The following TOX variants were observed in gnomAD, a reference collection of about 807,000 sequenced individuals.
TOX encodes thymocyte selection associated high mobility group box.
In TOX, 11 loss-of-function variants were observed where a neutral mutation model predicts 53.7. That is an observed-to-expected ratio of 0.20 (90% CI 0.13 to 0.34). TOX has a LOEUF of 0.34. TOX is among the 10% of genes least tolerant of loss of function. TOX has a pLI of 1.00. For synonymous variants in TOX, 225 were observed against 245.3 expected, an observed-to-expected ratio of 0.92 and a Z score of 0.77; for missense variants, 570 against 664.6, an observed-to-expected ratio of 0.86 and a Z score of 1.56.
chr8:59,039,773 A>G (rs1803542100), intron 1 of TOX, among the ~76,000 whole-genome samples: 1 of 152,240 alleles, frequency 6.6e-6, no homozygotes, highest in Non-Finnish European at 1.5e-5. Context: ...CTTCAGAAAA[A>G]TATCCAGCAA....
chr8:58,933,220 G>C (rs923230851), intron 3 of TOX, among the ~76,000 whole-genome samples: 5 of 152,124 alleles, frequency 3.3e-5, no homozygotes, highest in Non-Finnish European at 7.4e-5. Context: ...ACCACATATA[G>C]GCCAGGCTGA....
At chr8:58,838,436 AGGG>A in intron 4 of TOX, 125 bp from the exon 5 acceptor site, 1 of 722,286 alleles carries the variant, frequency 1.4e-6, no homozygotes, top group Non-Finnish European at 2.3e-6. Context: ...GGCTTTTCTA[AGGG>A]ACACATTGTT....
chr8:58,939,398 C>T lies in TOX; in HGVS notation c.315G>A (p.Leu105=). ...SLCHPMNHNG[L]LPFHPQNMDL... is the part of the protein sequence containing the mutation. Reference sequence around the variant, plus strand: ...CCATGTTTTGTGGATGAAATGGTAGCAGGCCATTATGGTTCATGGGGTGAC... The same window carrying T: ...CCATGTTTTGTGGATGAAATGGTAGTAGGCCATTATGGTTCATGGGGTGAC... Residue 105 remains leucine, a synonymous_variant, in exon 3 of 9, where the codon CTG becomes CTA. Transcript: ENST00000361421. 6.2e-7 allele frequency: 1 copy of T among 1,614,098 alleles called. No individual in the cohort carries two copies. Among genetic ancestry groups the T allele is most frequent in the Non-Finnish European group, 8.5e-7 (1 of 1,180,018 alleles).
In TOX at chr8:59,056,350, T is replaced by C. The variant is rs1325022677; in HGVS notation, c.102+62536A>G. ...GGGAGGCTAAGGCTGGTGGATCACT[T>C]GAGCCCAGGAGGAAGGGGTTGCAGT... is the stretch of plus-strand genomic sequence containing the variant. On this transcript the variant is annotated intron_variant, in intron 1 of 8. Coordinates refer to ENST00000361421, the MANE Select transcript of TOX (RefSeq NM_014729.3). 4.2e-5 allele frequency among the ~76,000 whole-genome samples: 6 copies of C among 142,524 alleles called. No homozygotes were observed. The East Asian group carries it at 1.2e-3, about 30-fold the overall frequency. The allele number at this position is 142,524 out of a possible 152,430, so 93.5% of individuals were successfully genotyped here.
chr8:59,007,387 G>A (rs890756034), intron 1 of TOX, among the ~76,000 whole-genome samples: 2 of 152,128 alleles, frequency 1.3e-5, no homozygotes, highest in African/African-American at 4.8e-5. Flanking sequence ...AGCAGTTTGT[G>A]GACTTTGAAG....
intron 3 of TOX, among the ~76,000 whole-genome samples, chr8:58,893,934 C>A (rs780137491): frequency 3.3e-5 from 5 of 152,194 alleles, no homozygotes; most frequent in Non-Finnish European, 5.9e-5. Context: ...GACAGGAAGG[C>A]ATTCACTTCC....
chr8:58,835,601 GA>G (rs1810532125), intron 5 of TOX, among the ~76,000 whole-genome samples: 1 of 152,178 alleles, frequency 6.6e-6, no homozygotes, highest in African/African-American at 2.4e-5. Context: ...CTGCCTTGAG[GA>G]ACTATCTGAT....
At chr8:59,110,160 C>G (rs141642533) in intron 1 of TOX, among the ~76,000 whole-genome samples, 2 of 152,126 alleles carry the variant, frequency 1.3e-5, no homozygotes, top group Non-Finnish European at 1.5e-5. Context: ...TCTTTTATGC[C>G]CTGGCAGGAA....
At position 59,114,519 on chromosome 8, in the gene TOX, C is replaced by T. The variant is rs1805068957; in HGVS notation, c.102+4367G>A. ...TAAAACATATTTAACAACCTGAAAA[C>T]TTCTGAAAAGTGCCAGCTGATAAAA... On this transcript the variant is annotated intron_variant, in intron 1 of 8. Coordinates refer to ENST00000361421, the MANE Select transcript of TOX (RefSeq NM_014729.3). Among the ~76,000 whole-genome samples, 6 of 152,144 alleles carry T rather than the reference C, an allele frequency of 3.9e-5. No individual in the cohort carries two copies. In the South Asian group the frequency reaches 1.2e-3, roughly 32 times the overall value.
At chr8:58,860,050 A>G (rs1392629624) in intron 3 of TOX, among the ~76,000 whole-genome samples, 3 of 152,174 alleles carry the variant, frequency 2.0e-5, no homozygotes, top group Admixed American at 6.5e-5. Flanking sequence ...GCTCTAGTGT[A>G]TGCATCTGGA....
At chr8:59,047,383 ATTT>A (rs939203508) in intron 1 of TOX, among the ~76,000 whole-genome samples, 17 of 147,560 alleles carry the variant, frequency 1.2e-4, no homozygotes, top group African/African-American at 4.0e-4. Context: ...CGCCCAGCTA[ATTT>A]TTTTTTTATT....
chr8:59,044,438 A>G (rs763781843), intron 1 of TOX, among the ~76,000 whole-genome samples: 2 of 152,198 alleles, frequency 1.3e-5, no homozygotes, highest in Non-Finnish European at 2.9e-5. Context: ...CTTGCTGACT[A>G]CAGAGAGTTG....
At chr8:58,886,408 G>A (rs1222295407) in intron 3 of TOX, among the ~76,000 whole-genome samples, 1 of 152,070 alleles carries the variant, frequency 6.6e-6, no homozygotes, top group East Asian at 1.9e-4. Context: ...CATCAGAAGG[G>A]AAACTGGATG....
intron 1 of TOX, among the ~76,000 whole-genome samples, chr8:59,051,607 T>C (rs541670532): frequency 6.6e-6 from 1 of 152,170 alleles, no homozygotes; most frequent in African/African-American, 2.4e-5. Flanking sequence ...CTAAGACAAA[T>C]GTCCTTGTAA....
chr8:59,103,689 G>A (rs1804848279), intron 1 of TOX, among the ~76,000 whole-genome samples: 1 of 152,136 alleles, frequency 6.6e-6, no homozygotes, highest in Non-Finnish European at 1.5e-5. Flanking sequence ...TGTGGATACT[G>A]GAAGATTATG....
At chr8:58,850,693 C>A (rs1419065693) in intron 4 of TOX, among the ~76,000 whole-genome samples, 1 of 152,104 alleles carries the variant, frequency 6.6e-6, no homozygotes, top group Admixed American at 6.6e-5. Context: ...GCCAGAACAT[C>A]AAGAATACAA....
chr8:59,094,890 A>G (rs1804689034), intron 1 of TOX, among the ~76,000 whole-genome samples: 1 of 152,232 alleles, frequency 6.6e-6, no homozygotes, highest in South Asian at 2.1e-4. Context: ...GGACACTCAA[A>G]TAGCCTTTTG....
At chr8:59,008,304 T>C (rs1813830198) in intron 1 of TOX, among the ~76,000 whole-genome samples, 1 of 152,260 alleles carries the variant, frequency 6.6e-6, no homozygotes, top group Non-Finnish European at 1.5e-5. Flanking sequence ...GAAGAAATTG[T>C]ACAGCTTTAA....
chr8:58,998,534 T>TAAAA (rs1450253677), intron 1 of TOX, among the ~76,000 whole-genome samples: 1 of 18,352 alleles, frequency 5.4e-5, no homozygotes, highest in Admixed American at 8.7e-4. Context: ...TATATATATA[T>TAAAA]ATATAAATTT....
Sources: gnomAD v4.1 joint callset for allele counts (sites outside exome capture counted in the v4.1 genomes callset) on GRCh38, gnomAD v4.1.1 for gene constraint, MANE v1.5 for transcripts, NCBI Gene and HGNC (gene_info 2026-07-23, HGNC 2026-07-21) for gene names.